The following GADL1 variants were observed in gnomAD, a reference collection of about 807,000 sequenced individuals.
GADL1 encodes acidic amino acid decarboxylase GADL1.
Under a neutral mutation model 69.5 loss-of-function variants are expected in GADL1, and 71 were observed. That is an observed-to-expected ratio of 1.02 (90% CI 0.84 to 1.25). The LOEUF (loss-of-function observed/expected upper bound fraction) is 1.25, where lower values mean the gene tolerates loss of function less well. Among genes scored for constraint, GADL1 ranks in the 50% most tolerant of loss-of-function variants. The probability of loss-of-function intolerance (pLI) is 0.00; values close to 1 mark genes in which losing one functional copy is unlikely to be tolerated. For synonymous variants in GADL1, 254 were observed against 214.4 expected, an observed-to-expected ratio of 1.18 and a Z score of -1.62; for missense variants, 737 against 631.8, an observed-to-expected ratio of 1.17 and a Z score of -1.79.
intron 1 of GADL1, 112 bp downstream of exon 1, chr3:30,894,466 G>T: frequency 1.2e-6 from 1 of 809,060 alleles, no homozygotes; most frequent in South Asian, 2.0e-5. Context: ...ACCCACCCCA[G>T]CCGCTTTACA....
At chr3:30,734,805 G>C (rs1695516801) in intron 14 of GADL1, among the ~76,000 whole-genome samples, 1 of 152,074 alleles carries the variant, frequency 6.6e-6, no homozygotes, top group Non-Finnish European at 1.5e-5. Flanking sequence ...TCCCAACACA[G>C]CTTGCTTTTG....
intron 12 of GADL1, among the ~76,000 whole-genome samples, chr3:30,797,180 A>C (rs1160144446): frequency 6.6e-6 from 1 of 152,166 alleles, no homozygotes; most frequent in Non-Finnish European, 1.5e-5. Flanking sequence ...TATGCTGATC[A>C]AGGAATATGA....
intron 1 of GADL1, among the ~76,000 whole-genome samples, chr3:30,862,970 G>A (rs1490492847): frequency 6.6e-6 from 1 of 151,474 alleles, no homozygotes; most frequent in African/African-American, 2.4e-5. Flanking sequence ...CATTCTTGCA[G>A]TCACCTTTCA....
intron 11 of GADL1, among the ~76,000 whole-genome samples, chr3:30,810,959 G>C (rs894133914): frequency 6.6e-6 from 1 of 152,140 alleles, no homozygotes; most frequent in Non-Finnish European, 1.5e-5. Flanking sequence ...ACTGCTAAGA[G>C]CTCACAGGCA....
chr3:30,836,485 A>G (rs954690832), intron 9 of GADL1, among the ~76,000 whole-genome samples: 1 of 151,980 alleles, frequency 6.6e-6, no homozygotes. Flanking sequence ...AAATTATCAA[A>G]CCTATCACCT....
rs1695385887 is a variant in GADL1, at chr3:30,727,416, G to GTC, written c.*825_*826insGA. ...GAATTATATATATATATATATGTGT[G>GTC]TGTGTGTATATATATATATATATAT... On this transcript the variant is annotated 3_prime_UTR_variant, in exon 15 of 15. Coordinates refer to ENST00000282538, the MANE Select transcript of GADL1 (RefSeq NM_207359.3). 1 of 146,426 alleles carries GTC rather than the reference G, an allele frequency of 6.8e-6. No homozygotes were observed. Among genetic ancestry groups the GTC allele is most frequent in the African/African-American group, 2.6e-5 (1 of 38,702 alleles). The allele number at this position is 146,426 out of a possible 1,614,324, so 9.1% of individuals were successfully genotyped here.
intron 12 of GADL1, chr3:30,798,059 A>G (rs898160390): frequency 1.3e-5 from 2 of 152,190 alleles, no homozygotes; most frequent in African/African-American, 4.8e-5. Context: ...AATGTTTACT[A>G]CAAGGCAAGT....
At chr3:30,883,700 T>A (rs1383171237) in intron 1 of GADL1, among the ~76,000 whole-genome samples, 1 of 152,048 alleles carries the variant, frequency 6.6e-6, no homozygotes, top group African/African-American at 2.4e-5. Flanking sequence ...TGGGTTTTGA[T>A]AAAGATTGTG....
At chr3:30,788,394 C>T (rs1696843319) in intron 12 of GADL1, among the ~76,000 whole-genome samples, 2 of 152,154 alleles carry the variant, frequency 1.3e-5, no homozygotes, top group Admixed American at 1.3e-4. Context: ...ACACAATGCA[C>T]ATGCCGTGAC....
chr3:30,730,579 A>G (rs1695441072), intron 14 of GADL1, among the ~76,000 whole-genome samples: 1 of 152,188 alleles, frequency 6.6e-6, no homozygotes, highest in African/African-American at 2.4e-5. Flanking sequence ...TCTACTTAAG[A>G]AAAGTTTCAC....
At chr3:30,804,029 TGA>T (rs764213290) in intron 11 of GADL1, among the ~76,000 whole-genome samples, 1 of 152,200 alleles carries the variant, frequency 6.6e-6, no homozygotes, top group African/African-American at 2.4e-5. Context: ...TGCTTTATAT[TGA>T]TATTAATTCA....
chr3:30,828,227 T>C (rs1697715791), intron 11 of GADL1, among the ~76,000 whole-genome samples: 1 of 151,908 alleles, frequency 6.6e-6, no homozygotes, highest in African/African-American at 2.4e-5. Flanking sequence ...ACTTTTTAAC[T>C]GGCATGTAAT....
chr3:30,841,258 C>T, intron 8 of GADL1, among the ~76,000 whole-genome samples: 1 of 152,170 alleles, frequency 6.6e-6, no homozygotes. Flanking sequence ...TGAAAGAAAA[C>T]TGAGGAGACG....
intron 13 of GADL1, among the ~76,000 whole-genome samples, chr3:30,779,363 T>TC (rs1169640407): frequency 3.3e-5 from 5 of 152,244 alleles, no homozygotes; most frequent in African/African-American, 1.2e-4. Flanking sequence ...GCAACAGTTC[T>TC]CAATAACTGT....
intron 1 of GADL1, among the ~76,000 whole-genome samples, chr3:30,886,777 C>A (rs147808672): frequency 6.6e-6 from 1 of 152,162 alleles, no homozygotes; most frequent in Non-Finnish European, 1.5e-5. Flanking sequence ...TTGTTGTGTG[C>A]AAGGTCACAG....
chr3:30,793,794 A>T (rs922515847), intron 12 of GADL1, among the ~76,000 whole-genome samples: 5 of 47,748 alleles, frequency 1.0e-4, no homozygotes, highest in African/African-American at 5.0e-4. Flanking sequence ...TCCCTTTCTT[A>T]CTTCAGCAGC....
At chr3:30,863,808 C>A (rs548967725) in intron 1 of GADL1, among the ~76,000 whole-genome samples, 1 of 133,332 alleles carries the variant, frequency 7.5e-6, no homozygotes, top group African/African-American at 2.7e-5. Context: ...ACTCCACCTT[C>A]TCCTCAAAGT....
At chr3:30,874,007 G>A (rs1698539836) in intron 1 of GADL1, among the ~76,000 whole-genome samples, 1 of 151,890 alleles carries the variant, frequency 6.6e-6, no homozygotes, top group African/African-American at 2.4e-5. Flanking sequence ...CTTTCCAAGG[G>A]GTACATTTAA....
intron 14 of GADL1, among the ~76,000 whole-genome samples, chr3:30,755,693 C>G (rs1420788379): frequency 6.6e-6 from 1 of 152,108 alleles, no homozygotes; most frequent in Non-Finnish European, 1.5e-5. Context: ...TCTGGGAGTC[C>G]TCCTTAGAAT....
Sources: gnomAD v4.1 joint callset for allele counts (sites outside exome capture counted in the v4.1 genomes callset) on GRCh38, gnomAD v4.1.1 for gene constraint, MANE v1.5 for transcripts, NCBI Gene and HGNC (gene_info 2026-07-23, HGNC 2026-07-21) for gene names.